SLC36A1: variants seen among roughly 807,000 people sequenced by gnomAD.
SLC36A1 encodes solute carrier family 36 member 1.
In SLC36A1, 30 loss-of-function variants were observed where a neutral mutation model predicts 47.5. The observed-to-expected ratio is 0.63, with a 90% CI of 0.47 to 0.86. The LOEUF (loss-of-function observed/expected upper bound fraction) is 0.86. SLC36A1 is among the 40% of genes least tolerant of loss of function. SLC36A1 has a pLI of 0.00. For missense variants in SLC36A1, 517 were observed against 606.0 expected (o/e 0.85, Z 1.54); for synonymous variants, 255 against 249.7 (o/e 1.02, Z -0.20).
chr5:151,407,229 G>A, the SLC36A1 span, among the ~76,000 whole-genome samples: 1 of 152,232 alleles, frequency 6.6e-6, no homozygotes, highest in African/African-American at 2.4e-5. Context: ...TGCTGCTGCT[G>A]GCTCTAGTGG....
the SLC36A1 span, among the ~76,000 whole-genome samples, chr5:151,500,966 G>A: frequency 2.1e-3 from 317 of 152,334 alleles, 4 homozygotes; most frequent in African/African-American, 7.4e-3. Flanking sequence ...GGGGCCTGGT[G>A]GGGAGAGGAT....
At position 151,483,518 on chromosome 5, in the gene SLC36A1, G is replaced by GT. The variant is rs57968429; in HGVS notation, c.1159+4029_1159+4030insT. 3.2e-3 allele frequency among the ~76,000 whole-genome samples: 441 copies of GT among 138,164 alleles called. 5 individuals are homozygous for GT. Among genetic ancestry groups the GT allele is most frequent in the Admixed American group, 5.1e-3 (74 of 14,432 alleles). The allele number at this position is 138,164 out of a possible 152,430, so 90.6% of individuals were successfully genotyped here. ...TCTGGGCTGGGGTCTTTGTGTGTGT[G>GT]GGGGGGGTGATTAGGGGAGAGTAGG... is the stretch of plus-strand genomic sequence containing the variant. On this transcript the variant is annotated intron_variant, in intron 10 of 10. Coordinates refer to ENST00000243389, the MANE Select transcript of SLC36A1 (RefSeq NM_078483.4).
chr5:151,500,223 G>T, the SLC36A1 span, among the ~76,000 whole-genome samples: 5 of 152,304 alleles, frequency 3.3e-5, no homozygotes, highest in Admixed American at 2.0e-4. Context: ...GGCCGACCTG[G>T]ACTGGAATCC....
chr5:151,500,901 A>G, the SLC36A1 span, among the ~76,000 whole-genome samples: 433 of 152,314 alleles, frequency 2.8e-3, 3 homozygotes, highest in African/African-American at 9.5e-3. Flanking sequence ...GATCCCAGAG[A>G]GCCCTCTGGT....
chr5:151,433,126 A>C (rs983668321), upstream of SLC36A1, among the ~76,000 whole-genome samples: 1 of 149,072 alleles, frequency 6.7e-6, no homozygotes, highest in Non-Finnish European at 1.5e-5. Context: ...TAATTTTCAA[A>C]ATAAAATACT....
chr5:151,364,867 T>A, the SLC36A1 span, among the ~76,000 whole-genome samples: 5 of 152,156 alleles, frequency 3.3e-5, no homozygotes, highest in African/African-American at 1.2e-4. Context: ...CTGTGCAGTC[T>A]GGGAACATGT....
the SLC36A1 span, among the ~76,000 whole-genome samples, chr5:151,399,084 A>ATATATATATTTTT: frequency 0.013 from 757 of 59,984 alleles, 8 homozygotes; most frequent in Non-Finnish European, 0.022. Flanking sequence ...ATATATATAT[A>ATATATATATTTTT]TTTTTTTTTT....
At chr5:151,438,072 C>T (rs1039882364) in intron 1 of SLC36A1, among the ~76,000 whole-genome samples, 1 of 152,194 alleles carries the variant, frequency 6.6e-6, no homozygotes, top group South Asian at 2.1e-4. Context: ...CATTTCACCT[C>T]GAGATCCTTA....
chr5:151,503,312 A>T, the SLC36A1 span, among the ~76,000 whole-genome samples: 1 of 148,188 alleles, frequency 6.7e-6, no homozygotes, highest in African/African-American at 2.7e-5. Context: ...GAGGGAGGCT[A>T]TGTATGGGAG....
the SLC36A1 span, among the ~76,000 whole-genome samples, chr5:151,516,893 G>T: frequency 4.6e-5 from 7 of 152,060 alleles, no homozygotes; most frequent in Admixed American, 4.6e-4. Flanking sequence ...ATCACCTGAG[G>T]TCAGGAGTTC....
At chr5:151,380,970 G>A in the SLC36A1 span, 1 of 396,622 alleles carries the variant, frequency 2.5e-6, no homozygotes. Context: ...TGACAGGCCA[G>A]ATCCCTCCAA....
chr5:151,413,366 CAT>C, the SLC36A1 span, among the ~76,000 whole-genome samples: 4 of 151,110 alleles, frequency 2.6e-5, no homozygotes, highest in African/African-American at 7.3e-5. Flanking sequence ...ATATCAATAA[CAT>C]AAAATAAAAT....
At chr5:151,487,082 CAG>C (rs376932695) in intron 10 of SLC36A1, among the ~76,000 whole-genome samples, 49 of 152,308 alleles carry the variant, frequency 3.2e-4, no homozygotes, top group African/African-American at 1.1e-3. Flanking sequence ...TAATTAGCAG[CAG>C]AGCCAGGATC....
intron 10 of SLC36A1, among the ~76,000 whole-genome samples, chr5:151,486,587 A>G (rs1032303407): frequency 6.6e-6 from 1 of 152,246 alleles, no homozygotes; most frequent in South Asian, 2.1e-4. Context: ...GCTGCCTTGG[A>G]CTGAGATGTT....
the SLC36A1 span, among the ~76,000 whole-genome samples, chr5:151,403,750 T>G: frequency 6.6e-6 from 1 of 152,230 alleles, no homozygotes; most frequent in Non-Finnish European, 1.5e-5. Flanking sequence ...TTCTTGGTAT[T>G]GATTTCTATT....
chr5:151,347,309 GTCT>G, the SLC36A1 span: 5,827 of 1,614,192 alleles, frequency 3.6e-3, 15 homozygotes, highest in Non-Finnish European at 4.5e-3. Context: ...TATGCCCTTG[GTCT>G]TCTTCAAGCC....
chr5:151,430,385 G>A, the SLC36A1 span, among the ~76,000 whole-genome samples: 37 of 143,216 alleles, frequency 2.6e-4, no homozygotes, highest in Non-Finnish European at 3.6e-4. Flanking sequence ...CTGCAGTAGC[G>A]TGACCTCGGC....
chr5:151,465,023 C>T lies in SLC36A1; in HGVS notation c.324-51C>T, dbSNP rs761844965. ...GTGGCTCTTTTTGTTCTGTCATTGT[C>T]ATTGTCTAATCCACGTGCTCTGTCC... On this transcript the variant is annotated intron_variant, in intron 4 of 10. Coordinates refer to ENST00000243389, the MANE Select transcript of SLC36A1 (RefSeq NM_078483.4). 9.8e-6 allele frequency: 14 copies of T among 1,430,816 alleles called. No individual in the cohort carries two copies. The South Asian group carries it at 1.5e-4, about 15-fold the overall frequency. 88.6% of individuals were successfully genotyped at this position (1,430,816 alleles called of 1,614,324 possible).
At chr5:151,350,928 G>A in the SLC36A1 span, among the ~76,000 whole-genome samples, 1 of 152,040 alleles carries the variant, frequency 6.6e-6, no homozygotes, top group Non-Finnish European at 1.5e-5. Context: ...GAATTCCTGA[G>A]CCCGCCTTGG....
Sources: gnomAD v4.1 joint callset for allele counts (sites outside exome capture counted in the v4.1 genomes callset) on GRCh38, gnomAD v4.1.1 for gene constraint, MANE v1.5 for transcripts, NCBI Gene and HGNC (gene_info 2026-07-23, HGNC 2026-07-21) for gene names.